Variants in PML observed in about 807,000 individuals in gnomAD.
PML encodes protein PML.
PML carries 28 observed loss-of-function variants against 65.2 expected under a neutral mutation model. The ratio of observed to expected loss-of-function variants is 0.43; its 90% CI spans 0.32 to 0.59. PML has a LOEUF of 0.59. Among genes scored for constraint, PML ranks in the 20% least tolerant of loss-of-function variants. The probability of loss-of-function intolerance (pLI) is 0.08; values close to 1 mark genes in which losing one functional copy is unlikely to be tolerated. For synonymous variants in PML, 500 were observed against 508.8 expected, an observed-to-expected ratio of 0.98 and a Z score of 0.23; for missense variants, 1,021 against 1,203.4, an observed-to-expected ratio of 0.85 and a Z score of 2.24.
chr15:74,037,066 C>G lies in PML; in HGVS notation c.1710+2536C>G, dbSNP rs557138076. 1.0e-6 allele frequency: 1 copy of G among 985,340 alleles called. No individual in the cohort carries two copies. The highest frequency in any genetic ancestry group is 1.2e-6 in the Non-Finnish European group (1 of 829,942). The allele number at this position is 985,340 out of a possible 1,614,324, so 61.0% of individuals were successfully genotyped here. ...CGCCTCTGTGCTGCCACCTGGAGAC[C>G]GAGATCTGCAGGAGAAAGGCCTGGG... On this transcript the variant is annotated intron_variant, in intron 7 of 8. Transcript: ENST00000268058. This position sits in a 1 kb window ranked among gnomAD's most constrained non-coding sequence, Gnocchi z 4.2.
intron 2 of PML, among the ~76,000 whole-genome samples, chr15:74,012,402 C>G (rs2070376195): frequency 6.6e-6 from 1 of 152,238 alleles, no homozygotes; most frequent in Admixed American, 6.5e-5. Context: ...TCTTGAACTC[C>G]TGACCTCGTG....
At chr15:74,016,870 C>T (rs1402298177) in intron 2 of PML, among the ~76,000 whole-genome samples, 2 of 130,442 alleles carry the variant, frequency 1.5e-5, no homozygotes, top group East Asian at 5.2e-4. Context: ...GATCTTGGCT[C>T]ACTGCAAGCT....
Position 74,023,044 on chromosome 15 carries a change from C to G in PML, c.819C>G (p.Ala273=), listed in dbSNP as rs112627818. 16 of 1,604,320 alleles carry G rather than the reference C, an allele frequency of 1.0e-5. No individual in the cohort carries two copies. The African/African-American group carries it at 1.1e-4, about 11-fold the overall frequency. The change falls in exon 3 of 9, where the codon GCC becomes GCG. Residue 273 remains alanine, a synonymous_variant. Coordinates refer to ENST00000268058, the MANE Select transcript of PML (RefSeq NM_033238.3). ...TCGGCCAGCTGGGCCGCGCGCGTGC[C>G]GAGACCGAGGAGCTGATCCGCGAGC... The part of the protein sequence containing the change: ...AAVGQLGRAR[A]ETEELIRERV...
rs1567141037 is a variant in PML, at chr15:74,042,421, G to A, written c.1711-568G>A. On this transcript the variant is annotated intron_variant, in intron 7 of 8. Coordinates refer to ENST00000268058, the MANE Select transcript of PML (RefSeq NM_033238.3). This position sits in a 1 kb window ranked among gnomAD's most constrained non-coding sequence, Gnocchi z 5.3. ...CGGGGACAAGAAAAGGCAGGCTCCCGACCCCTTCCAAAGAATCATCTGGGG... is the reference window on the plus strand; with the variant it reads ...CGGGGACAAGAAAAGGCAGGCTCCCAACCCCTTCCAAAGAATCATCTGGGG... The A allele has an allele frequency of 3.0e-6, 3 of 985,266 alleles. No homozygotes were observed. Among genetic ancestry groups the A allele is most frequent in the East Asian group, 1.1e-4 (1 of 8,830 alleles). 61.0% of individuals were successfully genotyped at this position (985,266 alleles called of 1,614,324 possible). A position where few individuals can be genotyped will look rare whatever the true frequency, so the allele number is the denominator to read the frequency against.
chr15:74,017,286 C>T lies in PML; in HGVS notation c.603-5542C>T, dbSNP rs574212300. On this transcript the variant is annotated intron_variant, in intron 2 of 8. Coordinates refer to ENST00000268058, the MANE Select transcript of PML (RefSeq NM_033238.3). Reference sequence around the variant, plus strand: ...AAGCAAGGCTCTAACTTCATTCCTGCCCCCTACCCTCCTCCCTAGCCAATT... The same window carrying T: ...AAGCAAGGCTCTAACTTCATTCCTGTCCCCTACCCTCCTCCCTAGCCAATT... Among the ~76,000 whole-genome samples, 8 of 152,298 alleles carry T rather than the reference C, an allele frequency of 5.3e-5. No individual in the cohort carries two copies. In the East Asian group the frequency reaches 1.5e-3, roughly 29 times the overall value.
At position 74,045,831 on chromosome 15, in the gene PML, G is replaced by T; in HGVS notation, c.*823G>T. On this transcript the variant is annotated 3_prime_UTR_variant, in exon 9 of 9. Coordinates refer to ENST00000268058, the MANE Select transcript of PML (RefSeq NM_033238.3). ...AGGACCTGCGGCATCAGCATCCCCT[G>T]GGAGCTTCTTAGAAATGCAGACCTG... 1 of 232,412 alleles carries T rather than the reference G, an allele frequency of 4.3e-6. No homozygotes were observed. Among genetic ancestry groups the T allele is most frequent in the Non-Finnish European group, 8.5e-6 (1 of 117,578 alleles). The allele number at this position is 232,412 out of a possible 1,614,324, so 14.4% of individuals were successfully genotyped here. A position where few individuals can be genotyped will look rare whatever the true frequency, so the allele number is the denominator to read the frequency against.
chr15:74,008,034 G>C (rs951702924), intron 2 of PML, among the ~76,000 whole-genome samples: 3 of 152,232 alleles, frequency 2.0e-5, no homozygotes, highest in African/African-American at 7.2e-5. Flanking sequence ...ATTTGTGGAA[G>C]GAAGAAGTCA....
intron 5 of PML, 31 bp downstream of exon 5, chr15:74,032,746 CCT>C (rs1373732814): frequency 6.2e-7 from 1 of 1,611,108 alleles, no homozygotes; most frequent in African/African-American, 1.3e-5. Context: ...AGCCTTCCCT[CCT>C]GAAGGCCTGA....
intron 7 of PML, chr15:74,041,192 C>G (rs1595922063): frequency 6.6e-6 from 1 of 152,334 alleles, no homozygotes. Flanking sequence ...ATGGACTCAG[C>G]CTCAGCTATT....
chr15:74,033,702 C>G, intron 6 of PML: 1 of 622,026 alleles, frequency 1.6e-6, no homozygotes, highest in South Asian at 1.8e-5. Flanking sequence ...CAGGTCTCCA[C>G]AAGAAGTTTG....
chr15:74,002,210 T>C (rs192707132), intron 2 of PML, among the ~76,000 whole-genome samples: 4 of 152,188 alleles, frequency 2.6e-5, no homozygotes, highest in Non-Finnish European at 5.9e-5. Context: ...ATTGAGATTT[T>C]CTTAGCGGCC....
Position 74,014,342 on chromosome 15 carries a change from G to T in PML, c.603-8486G>T, listed in dbSNP as rs942526338. On this transcript the variant is annotated intron_variant, in intron 2 of 8. Transcript: ENST00000268058. ...GTTGGTACTTAGTAATTTTGGGGGG[G>T]TTTTTTTGAGATAGAGTCTCGCTCT... 6.3e-4 allele frequency among the ~76,000 whole-genome samples: 95 copies of T among 151,956 alleles called. 1 individual carries two copies. The highest frequency in any genetic ancestry group is 1.2e-3 in the Non-Finnish European group (82 of 67,972).
chr15:73,998,186 G>C lies in PML; in HGVS notation c.312G>C (p.Leu104=). The part of the protein sequence containing the change: ...PWPLGADTPA[L]DNVFFESLQR... ...CCCTAGGTGCAGACACACCCGCCCT[G>C]GATAACGTCTTTTTCGAGAGTCTGC... The change falls in exon 2 of 9, where the codon CTG becomes CTC. Residue 104 remains leucine, a synonymous_variant. Coordinates refer to ENST00000268058, the MANE Select transcript of PML (RefSeq NM_033238.3). 1 of 1,614,220 alleles carries C rather than the reference G, an allele frequency of 6.2e-7. No homozygotes were observed. Among genetic ancestry groups the C allele is most frequent in the East Asian group, 2.2e-5 (1 of 44,892 alleles).
chr15:74,022,761 A>C, intron 2 of PML, 67 bp from the exon 3 acceptor site: 9 of 1,266,130 alleles, frequency 7.1e-6, no homozygotes, highest in Non-Finnish European at 1.0e-5. Context: ...GAGGAATTTA[A>C]TAACGAACGT....
At position 74,035,583 on chromosome 15, in the gene PML, G is replaced by A. The variant is rs763658568; in HGVS notation, c.1710+1053G>A. The A allele has an allele frequency of 4.3e-6, 7 of 1,611,916 alleles. No homozygotes were observed. In the South Asian group the frequency reaches 6.6e-5, roughly 15 times the overall value. On this transcript the variant is annotated intron_variant, in intron 7 of 8. Coordinates refer to ENST00000268058, the MANE Select transcript of PML (RefSeq NM_033238.3). This position sits in a 1 kb window ranked among gnomAD's most constrained non-coding sequence, Gnocchi z 4.1. ...AGGGCCCCTCAACCATCCTGCCAAT[G>A]CCCAGGAACATCCTGCCCAGCTGCA...
chr15:74,044,775 A>G lies in PML; in HGVS notation c.2416A>G (p.Met806Val), dbSNP rs2071753550. Residue 806 changes from methionine to valine, a missense_variant, in exon 9 of 9, where the codon ATG (methionine) becomes GTG (valine). Physicochemically the swap from Met to Val is conservative, Grantham distance 21 (BLOSUM62 1). Coordinates refer to ENST00000268058, the MANE Select transcript of PML (RefSeq NM_033238.3). ...RLLALHNVSF[M>V]ELLSAHRRDR... ...CCTGGCCCTACACAACGTGAGCTTC[A>G]TGGAGCTGCTGAGTGCACACCGCCG... The G allele has an allele frequency of 6.2e-7, 1 of 1,613,018 alleles. No homozygotes were observed. The highest frequency in any genetic ancestry group is 8.5e-7 in the Non-Finnish European group (1 of 1,180,004).
Position 74,032,708 on chromosome 15 carries a change from A to G in PML, c.1391A>G (p.Tyr464Cys), listed in dbSNP as rs1298048139. ...GCCTTCTCCATCAAAGGCCCTTCCTATGGAGAGGTAAGGTTCTCCCCAGCC... is the reference window on the plus strand; with the variant it reads ...GCCTTCTCCATCAAAGGCCCTTCCTGTGGAGAGGTAAGGTTCTCCCCAGCC... ...VYAFSIKGPS[Y>C]GEDVSNTTTA... Residue 464 changes from tyrosine to cysteine, a missense_variant, in exon 5 of 9, where the codon TAT (tyrosine) becomes TGT (cysteine). Physicochemically the swap from Tyr to Cys is radical, Grantham distance 194 (BLOSUM62 -2). Transcript: ENST00000268058. The G allele has an allele frequency of 6.2e-7, 1 of 1,614,146 alleles. No individual in the cohort carries two copies. Among genetic ancestry groups the G allele is most frequent in the Non-Finnish European group, 8.5e-7 (1 of 1,179,988 alleles).
rs1302973007 is a variant in PML, at chr15:74,037,527, C to T, written c.1710+2997C>T. 9.1e-6 allele frequency: 9 copies of T among 985,252 alleles called. No individual in the cohort carries two copies. The South Asian group carries it at 1.9e-4, about 21-fold the overall frequency. 61.0% of individuals were successfully genotyped at this position (985,252 alleles called of 1,614,324 possible). On this transcript the variant is annotated intron_variant, in intron 7 of 8. Coordinates refer to ENST00000268058, the MANE Select transcript of PML (RefSeq NM_033238.3). The surrounding 1 kb of genome is among the most constrained non-coding windows in gnomAD (Gnocchi z 4.2). ...TCCACCCACTTCTCTCTCCAGCTGT[C>T]GGCTCCCCTTCCTCTGCTCTCCTTG...
Position 74,035,255 on chromosome 15 carries a change from G to A in PML, c.1710+725G>A, listed in dbSNP as rs1314879584. The A allele has an allele frequency of 1.4e-5, 23 of 1,612,394 alleles. No individual in the cohort carries two copies. The highest frequency in any genetic ancestry group is 1.6e-4 in the Middle Eastern group (1 of 6,082). On this transcript the variant is annotated intron_variant, in intron 7 of 8. Coordinates refer to ENST00000268058, the MANE Select transcript of PML (RefSeq NM_033238.3). The surrounding 1 kb of genome is among the most constrained non-coding windows in gnomAD (Gnocchi z 4.1). ...CCCACTCCTCGCCAGCCCACTCCTC[G>A]CCAGTCCAGTCTCTGCTGAGAGCAC...
Sources: allele counts gnomAD v4.1 joint callset (sites outside exome capture counted in the v4.1 genomes callset), GRCh38; gene constraint gnomAD v4.1.1; non-coding constraint Gnocchi (gnomAD v3.1); transcripts MANE v1.5; gene names NCBI Gene and HGNC (gene_info 2026-07-23, HGNC 2026-07-21).